Variants in DNAH9 observed in about 807,000 individuals in gnomAD.
DNAH9 encodes DNAH9 variant protein.
DNAH9 carries 345 observed loss-of-function variants against 471.6 expected under a neutral mutation model. The observed-to-expected ratio is 0.73, with a 90% confidence interval of 0.67 to 0.80. The LOEUF (loss-of-function observed/expected upper bound fraction) is 0.80, where lower values mean the gene tolerates loss of function less well. Ranked by LOEUF, DNAH9 falls within the 30% of genes least tolerant of loss-of-function variation. The probability of loss-of-function intolerance (pLI) is 0.00; values close to 1 mark genes in which losing one functional copy is unlikely to be tolerated. For synonymous variants in DNAH9, 2,093 were observed against 2,123.6 expected (o/e 0.99, Z 0.40); for missense variants, 5,407 against 5,609.2 (o/e 0.96, Z 1.15).
chr17:11,727,027 AAC>A (rs1333452780), intron 27 of DNAH9, among the ~76,000 whole-genome samples: 5 of 118,386 alleles, frequency 4.2e-5, no homozygotes, highest in Non-Finnish European at 8.2e-5. Context: ...CAGCCTGGGC[AAC>A]AGAGTGAGAC....
intron 50 of DNAH9, among the ~76,000 whole-genome samples, chr17:11,857,154 T>C (rs945527831): frequency 1.3e-5 from 2 of 152,202 alleles, no homozygotes; most frequent in Admixed American, 6.5e-5. Context: ...AAAGGAACAG[T>C]TGGTGCAAAG....
At chr17:11,869,344 C>A (rs1040347108) in intron 51 of DNAH9, 91 bp downstream of exon 51, 3 of 1,506,062 alleles carry the variant, frequency 2.0e-6, no homozygotes, top group African/African-American at 2.8e-5. Flanking sequence ...CACAGCACAG[C>A]AGCGCTTTGA....
At chr17:11,931,432 C>T (rs1324146246) in intron 63 of DNAH9, among the ~76,000 whole-genome samples, 1 of 152,158 alleles carries the variant, frequency 6.6e-6, no homozygotes, top group African/African-American at 2.4e-5. Flanking sequence ...AAGATGAAGA[C>T]CATGTAACAG....
intron 59 of DNAH9, among the ~76,000 whole-genome samples, chr17:11,897,743 C>T (rs762621469): frequency 3.9e-5 from 6 of 152,114 alleles, no homozygotes; most frequent in South Asian, 2.1e-4. Context: ...AAATGGTCGT[C>T]GTAATACCTT....
chr17:11,776,093 C>A (rs2150887591), intron 38 of DNAH9, among the ~76,000 whole-genome samples: 1 of 152,288 alleles, frequency 6.6e-6, no homozygotes, highest in Admixed American at 6.5e-5. Context: ...AACCCTTGTA[C>A]AAAGGGCTTT....
chr17:11,657,522 T>C (rs2073674762), intron 14 of DNAH9, among the ~76,000 whole-genome samples: 1 of 152,100 alleles, frequency 6.6e-6, no homozygotes, highest in Non-Finnish European at 1.5e-5. Context: ...CTTATTGATA[T>C]ATGTTGATGA....
intron 31 of DNAH9, among the ~76,000 whole-genome samples, chr17:11,746,355 TC>T (rs1966881756): frequency 6.6e-6 from 1 of 152,136 alleles, no homozygotes; most frequent in Non-Finnish European, 1.5e-5. Context: ...CCCTTTGTCT[TC>T]CTTGCACAGT....
At chr17:11,715,672 A>C (rs1348738834) in intron 26 of DNAH9, among the ~76,000 whole-genome samples, 2 of 152,202 alleles carry the variant, frequency 1.3e-5, no homozygotes, top group African/African-American at 4.8e-5. Context: ...TGCCATTGTC[A>C]TAATTGCCAC....
At chr17:11,754,421 A>G (rs958507990) in intron 33 of DNAH9, among the ~76,000 whole-genome samples, 5 of 152,212 alleles carry the variant, frequency 3.3e-5, no homozygotes, top group Non-Finnish European at 7.3e-5. Flanking sequence ...CACAATGGAT[A>G]AACTAATTTA....
intron 58 of DNAH9, among the ~76,000 whole-genome samples, chr17:11,893,238 G>C (rs879834238): frequency 9.0e-5 from 13 of 143,742 alleles, no homozygotes; most frequent in Non-Finnish European, 1.8e-4. Context: ...CTCAAACTAA[G>C]CCAAAGGCTT....
intron 22 of DNAH9, among the ~76,000 whole-genome samples, chr17:11,697,891 TCAC>T (rs1351153175): frequency 6.6e-6 from 1 of 151,690 alleles, no homozygotes; most frequent in Non-Finnish European, 1.5e-5. Flanking sequence ...AACTCATCTT[TCAC>T]CACGTTTTAT....
rs146347718 is a variant in DNAH9 at position 11,877,427 on chromosome 17, C to A, written c.10478+2243C>A. On this transcript the variant is annotated intron_variant, in intron 53 of 68. Transcript: ENST00000262442. The stretch of plus-strand genomic sequence containing the variant: ...GGTGGAGGTTGCAGTGAGCCGAGAT[C>A]GTGCCATTGTACTCCAGCCTGGGGG... Among the ~76,000 whole-genome samples, 258 of 134,446 alleles carry A rather than the reference C, an allele frequency of 1.9e-3. 1 individual carries two copies. Among genetic ancestry groups the A allele is most frequent in the Admixed American group, 0.016 (201 of 12,258 alleles). The allele number at this position is 134,446 out of a possible 152,430, so 88.2% of individuals were successfully genotyped here.
chr17:11,812,848 C>T (rs1969974716), intron 45 of DNAH9, among the ~76,000 whole-genome samples: 1 of 152,190 alleles, frequency 6.6e-6, no homozygotes, highest in Non-Finnish European at 1.5e-5. Context: ...AACATAGCCT[C>T]ATCTTTTATT....
intron 22 of DNAH9, among the ~76,000 whole-genome samples, chr17:11,698,132 A>ATAAATAT (rs1370187838): frequency 1.5e-5 from 2 of 137,048 alleles, no homozygotes; most frequent in African/African-American, 5.5e-5. Context: ...TATAATATAT[A>ATAAATAT]ATTATATATT....
intron 10 of DNAH9, among the ~76,000 whole-genome samples, chr17:11,642,477 G>A (rs950883446): frequency 6.6e-6 from 1 of 152,120 alleles, no homozygotes; most frequent in East Asian, 1.9e-4. Context: ...ACTTGAACCT[G>A]GGAGGCAGAG....
At chr17:11,904,101 G>A (rs1478757989) in intron 60 of DNAH9, among the ~76,000 whole-genome samples, 3 of 152,146 alleles carry the variant, frequency 2.0e-5, no homozygotes, top group Non-Finnish European at 4.4e-5. Flanking sequence ...TCCAAGTAAT[G>A]ACAACGATGA....
intron 68 of DNAH9, among the ~76,000 whole-genome samples, chr17:11,964,049 C>G (rs1976480949): frequency 6.6e-6 from 1 of 152,136 alleles, no homozygotes; most frequent in South Asian, 2.1e-4. Flanking sequence ...GCCTCCAGAA[C>G]TGTGAGATAA....
intron 15 of DNAH9, among the ~76,000 whole-genome samples, chr17:11,666,607 G>T (rs755704069): frequency 5.6e-4 from 86 of 152,284 alleles, no homozygotes; most frequent in Middle Eastern, 3.4e-3. Flanking sequence ...GAAAGGCACT[G>T]GTTATCTAAG....
In DNAH9 at chr17:11,784,532, T is replaced by C. The variant is rs780530395; in HGVS notation, c.8054T>C (p.Ile2685Thr). 1.2e-6 allele frequency: 2 copies of C among 1,614,148 alleles called. No individual in the cohort carries two copies. The highest frequency in any genetic ancestry group is 1.7e-6 in the Non-Finnish European group (2 of 1,180,036). ...TTCAACCTCAGAGATTTTGCCAACATTTTCCAGGTGAGTTCATCGGCTCCG... is the reference window on the plus strand; with the variant it reads ...TTCAACCTCAGAGATTTTGCCAACACTTTCCAGGTGAGTTCATCGGCTCCG... Reference protein sequence around the residue: ...YIFNLRDFANIFQGILFSSVE... With the variant: ...YIFNLRDFANTFQGILFSSVE... The change falls in exon 41 of 69, where the codon ATT (isoleucine) becomes ACT (threonine). Residue 2685 changes from isoleucine (I) to threonine (T), a missense_variant. Ile to Thr is a moderately conservative substitution (Grantham distance 89). This residue lies in a region of DNAH9 where 4,636 missense variants were observed against 4,900.3 expected (regional missense o/e 0.95). Transcript: ENST00000262442.
Sources: allele counts gnomAD v4.1 joint callset (sites outside exome capture counted in the v4.1 genomes callset), GRCh38; gene constraint gnomAD v4.1.1; regional missense constraint gnomAD v4.1.1; transcripts MANE v1.5; gene names NCBI Gene and HGNC (gene_info 2026-07-23, HGNC 2026-07-21).